Variants in LYN observed in about 807,000 individuals in gnomAD.
LYN encodes LYN proto-oncogene, Src family tyrosine kinase.
LYN carries 12 observed loss-of-function variants against 65.0 expected under a neutral mutation model. The ratio of observed to expected loss-of-function variants is 0.18; its 90% CI spans 0.12 to 0.30. LYN has a LOEUF of 0.30. LYN is among the 10% of genes least tolerant of loss of function. The probability of loss-of-function intolerance (pLI) is 1.00; values close to 1 mark genes in which losing one functional copy is unlikely to be tolerated. For missense variants in LYN, 380 were observed against 623.2 expected, an observed-to-expected ratio of 0.61 and a Z score of 4.16; for synonymous variants, 222 against 221.2, an observed-to-expected ratio of 1.00 and a Z score of -0.03.
chr8:55,882,324 T>A (rs1804674294), intron 1 of LYN, among the ~76,000 whole-genome samples: 1 of 152,236 alleles, frequency 6.6e-6, no homozygotes, highest in African/African-American at 2.4e-5. Flanking sequence ...GGTCCAGCAC[T>A]GTTCAATGAC....
At chr8:55,928,685 T>C (rs958567783) in intron 1 of LYN, among the ~76,000 whole-genome samples, 1 of 152,216 alleles carries the variant, frequency 6.6e-6, no homozygotes, top group South Asian at 2.1e-4. Context: ...GTGGCTTGTC[T>C]TTTTATTTTC....
chr8:56,004,571 G>A (rs1808624667), intron 12 of LYN, among the ~76,000 whole-genome samples: 1 of 152,136 alleles, frequency 6.6e-6, no homozygotes, highest in African/African-American at 2.4e-5. Context: ...AGGGATTACA[G>A]GCATGAGCCA....
intron 2 of LYN, among the ~76,000 whole-genome samples, chr8:55,942,447 A>G (rs994691658): frequency 6.7e-5 from 10 of 148,184 alleles, no homozygotes; most frequent in African/African-American, 1.7e-4. Flanking sequence ...GTGTGTGTAT[A>G]TATATATATA....
At chr8:55,894,573 C>T (rs1044722378) in intron 1 of LYN, among the ~76,000 whole-genome samples, 2 of 151,524 alleles carry the variant, frequency 1.3e-5, no homozygotes, top group Non-Finnish European at 2.9e-5. Context: ...TGTTCTGTTG[C>T]CCAGGCTGGA....
In LYN at chr8:55,983,374, G is replaced by A. The variant is rs73590352; in HGVS notation, c.1050+13581G>A. Among the ~76,000 whole-genome samples the A allele has an allele frequency of 1.3e-4, 20 of 152,228 alleles. No individual in the cohort carries two copies. In the South Asian group the frequency reaches 2.5e-3, roughly 19 times the overall value. On this transcript the variant is annotated intron_variant, in intron 10 of 12. Coordinates refer to ENST00000519728, the MANE Select transcript of LYN (RefSeq NM_002350.4). ...TTCAAGACACTGTTCTAGAAATTCC[G>A]CATTAGCGTTTTCCCTCACTTCTGC...
intron 10 of LYN, among the ~76,000 whole-genome samples, chr8:55,995,520 G>T (rs1280833759): frequency 6.6e-6 from 1 of 152,196 alleles, no homozygotes; most frequent in Non-Finnish European, 1.5e-5. Flanking sequence ...TGTGCTCAGT[G>T]CTGGGATGGG....
At chr8:55,993,982 A>G (rs1346390410) in intron 10 of LYN, among the ~76,000 whole-genome samples, 2 of 152,212 alleles carry the variant, frequency 1.3e-5, no homozygotes, top group African/African-American at 4.8e-5. Flanking sequence ...GTAGTGCTGA[A>G]CGCTACATGG....
At chr8:55,953,119 C>CTGA (rs1807000320) in intron 7 of LYN, among the ~76,000 whole-genome samples, 1 of 152,206 alleles carries the variant, frequency 6.6e-6, no homozygotes, top group Non-Finnish European at 1.5e-5. Context: ...CCGGCACATG[C>CTGA]TGAGGGCTTG....
chr8:55,949,160 G>T (rs1358650793), intron 4 of LYN, among the ~76,000 whole-genome samples: 6 of 152,184 alleles, frequency 3.9e-5, no homozygotes, highest in Non-Finnish European at 7.3e-5. Flanking sequence ...TTTTCATAGT[G>T]TCCATCTCTA....
At chr8:55,947,837 A>T (rs1418669897) in intron 4 of LYN, 114 bp downstream of exon 4, 1 of 720,776 alleles carries the variant, frequency 1.4e-6, no homozygotes, top group Admixed American at 2.2e-5. Context: ...CCTTTCTTGT[A>T]ATGGGTATGA....
chr8:55,887,584 A>ACG (rs2130354430), intron 1 of LYN, among the ~76,000 whole-genome samples: 1 of 107,668 alleles, frequency 9.3e-6, no homozygotes, highest in African/African-American at 3.5e-5. Flanking sequence ...ATACACACAC[A>ACG]CACACACACA....
chr8:55,939,043 T>C (rs1806521128), intron 1 of LYN, among the ~76,000 whole-genome samples: 2 of 152,238 alleles, frequency 1.3e-5, no homozygotes, highest in Non-Finnish European at 2.9e-5. Context: ...GTAGCTCATA[T>C]CACTTGGAAC....
Position 56,011,834 on chromosome 8 carries a change from G to T in LYN, c.*1724G>T, listed in dbSNP as rs1808825997. The T allele has an allele frequency of 5.5e-6, 1 of 182,892 alleles. No homozygotes were observed. Among genetic ancestry groups the T allele is most frequent in the South Asian group, 2.0e-4 (1 of 5,086 alleles). The allele number at this position is 182,892 out of a possible 1,614,324, so 11.3% of individuals were successfully genotyped here. A position where few individuals can be genotyped will look rare whatever the true frequency, so the allele number is the denominator to read the frequency against. On this transcript the variant is annotated 3_prime_UTR_variant, in exon 13 of 13. Coordinates refer to ENST00000519728, the MANE Select transcript of LYN (RefSeq NM_002350.4). ...ATAATGTCTGCACAGCTGGTCCCTT[G>T]ATTCAGTGGTAAGGTTTTTGTGTAC...
intron 12 of LYN, among the ~76,000 whole-genome samples, chr8:56,003,067 T>G (rs1008766281): frequency 5.9e-5 from 9 of 151,732 alleles, no homozygotes; most frequent in South Asian, 2.1e-4. Context: ...TTTTTGTTTT[T>G]TTTTTTTTTT....
chr8:55,987,027 T>C (rs879817400), intron 10 of LYN, among the ~76,000 whole-genome samples: 4 of 152,206 alleles, frequency 2.6e-5, no homozygotes, highest in Non-Finnish European at 5.9e-5. Context: ...AAGTTGACCA[T>C]TTTTTAAATT....
chr8:55,993,393 G>A (rs750170132), intron 10 of LYN, among the ~76,000 whole-genome samples: 1 of 152,150 alleles, frequency 6.6e-6, no homozygotes, highest in Non-Finnish European at 1.5e-5. Flanking sequence ...TCTCAGAGAA[G>A]AAGTACTCTC....
chr8:55,967,323 TTTTTTTTTG>T (rs924331989), intron 9 of LYN, among the ~76,000 whole-genome samples: 3 of 113,394 alleles, frequency 2.6e-5, no homozygotes, highest in Admixed American at 8.7e-5. Flanking sequence ...TTTTTTTTTT[TTTTTTTTTG>T]GAAACAGAGT....
intron 9 of LYN, among the ~76,000 whole-genome samples, chr8:55,968,931 G>A (rs1289489631): frequency 1.4e-5 from 2 of 146,952 alleles, no homozygotes; most frequent in African/African-American, 5.1e-5. Flanking sequence ...TTGTTCAGCA[G>A]CACACTCCTT....
chr8:55,918,447 C>G (rs1805842003), intron 1 of LYN, among the ~76,000 whole-genome samples: 1 of 152,228 alleles, frequency 6.6e-6, no homozygotes, highest in Admixed American at 6.5e-5. Context: ...TTCTTACAAG[C>G]TCTAATGTGC....
Sources: allele counts gnomAD v4.1 joint callset (sites outside exome capture counted in the v4.1 genomes callset), GRCh38; gene constraint gnomAD v4.1.1; transcripts MANE v1.5; gene names NCBI Gene and HGNC (gene_info 2026-07-23, HGNC 2026-07-21).